Variants in STARD9 observed in about 807,000 individuals in gnomAD.
STARD9 encodes StAR related lipid transfer domain containing 9, also known as stAR-related lipid transfer protein 9.
Under a neutral mutation model 399.8 loss-of-function variants are expected in STARD9, and 346 were observed. The ratio of observed to expected loss-of-function variants is 0.87; its 90% CI spans 0.79 to 0.95. The LOEUF is 0.95. STARD9 is among the 40% of genes least tolerant of loss of function. The pLI, the probability that STARD9 is intolerant of heterozygous loss-of-function variation, is 0.00. For synonymous variants in STARD9, 2,203 were observed against 2,143.5 expected, an observed-to-expected ratio of 1.03 and a Z score of -0.77; for missense variants, 5,832 against 5,667.5, an observed-to-expected ratio of 1.03 and a Z score of -0.93.
At chr15:42,626,396 C>CTCT in intron 3 of STARD9, among the ~76,000 whole-genome samples, 1 of 118,678 alleles carries the variant, frequency 8.4e-6, no homozygotes, top group African/African-American at 4.3e-5. Context: ...CTTCCTCTTC[C>CTCT]TCCTCCTCTT....
chr15:42,681,622 C>T lies in STARD9; in HGVS notation c.2065+10C>T. 1 of 1,532,252 alleles carries T rather than the reference C, an allele frequency of 6.5e-7. No individual in the cohort carries two copies. Among genetic ancestry groups the T allele is most frequent in the Non-Finnish European group, 8.7e-7 (1 of 1,143,742 alleles). 94.9% of individuals were successfully genotyped at this position (1,532,252 alleles called of 1,614,324 possible). Reference sequence around the variant, plus strand: ...CAGCAGATTAAAGAAAGTAGGTGTCCACCACTTAATGTGTCTGCCTCACCT... The same window carrying T: ...CAGCAGATTAAAGAAAGTAGGTGTCTACCACTTAATGTGTCTGCCTCACCT... On this transcript the variant is annotated intron_variant, in intron 21 of 32. Coordinates refer to ENST00000290607, the MANE Select transcript of STARD9 (RefSeq NM_020759.3).
At chr15:42,706,974 A>G (rs759071683) in intron 26 of STARD9, among the ~76,000 whole-genome samples, 14 of 152,154 alleles carry the variant, frequency 9.2e-5, no homozygotes, top group East Asian at 1.9e-4. Context: ...CTGATATACT[A>G]TTCTTTTAAT....
At chr15:42,580,713 G>C (rs2058150011) in intron 1 of STARD9, among the ~76,000 whole-genome samples, 1 of 152,182 alleles carries the variant, frequency 6.6e-6, no homozygotes, top group Non-Finnish European at 1.5e-5. Flanking sequence ...TCAGGAGGCT[G>C]AGGCAGGAGA....
chr15:42,650,901 C>T, intron 7 of STARD9, 115 bp from the exon 8 acceptor site: 2 of 648,444 alleles, frequency 3.1e-6, no homozygotes, highest in Non-Finnish European at 4.9e-6. Context: ...GCCAGATTCC[C>T]TCATTTTTGT....
Position 42,686,663 on chromosome 15 carries a change from G to A in STARD9, c.5085G>A (p.Glu1695=). The part of the protein sequence containing the change: ...QLSPDSHYPL[E]EEKTDCQESS... The stretch of plus-strand genomic sequence containing the variant: ...GTCCCGACAGCCACTACCCACTAGA[G>A]GAAGAGAAGACAGATTGCCAGGAGA... Residue 1695 remains glutamate, a synonymous_variant, in exon 23 of 33, where the codon GAG becomes GAA. Coordinates refer to ENST00000290607, the MANE Select transcript of STARD9 (RefSeq NM_020759.3). 2.0e-6 allele frequency: 3 copies of A among 1,537,668 alleles called. No individual in the cohort carries two copies. The highest frequency in any genetic ancestry group is 1.4e-5 in the African/African-American group (1 of 73,172).
intron 4 of STARD9, 44 bp from the exon 5 acceptor site, chr15:42,637,863 C>G: frequency 1.3e-6 from 2 of 1,530,338 alleles, no homozygotes; most frequent in Non-Finnish European, 1.8e-6. Flanking sequence ...GGGAGAGCAT[C>G]ATCTTAAGTA....
In STARD9 at chr15:42,598,577, A is replaced by G. The variant is rs193161384; in HGVS notation, c.234+12940A>G. The stretch of plus-strand genomic sequence containing the variant: ...CCCAGATAACTATCCAGTTGTCTGA[A>G]TACTATTAGTTCATCTATTTTTTAT... On this transcript the variant is annotated intron_variant, in intron 3 of 32. Transcript: ENST00000290607. 1.2e-4 allele frequency among the ~76,000 whole-genome samples: 18 copies of G among 152,176 alleles called. No homozygotes were observed. In the East Asian group the frequency reaches 3.5e-3, roughly 29 times the overall value.
Position 42,695,335 on chromosome 15 carries a change from G to A in STARD9, c.13146+12G>A. 1.3e-6 allele frequency: 2 copies of A among 1,520,734 alleles called. No individual in the cohort carries two copies. The highest frequency in any genetic ancestry group is 1.8e-6 in the Non-Finnish European group (2 of 1,136,268). The allele number at this position is 1,520,734 out of a possible 1,614,324, so 94.2% of individuals were successfully genotyped here. A position where few individuals can be genotyped will look rare whatever the true frequency, so the allele number is the denominator to read the frequency against. ...CCCAGCTATTGAAGGTGTGGAGTGG[G>A]GCATGCCTCTGATTTCAGGATAGGC... On this transcript the variant is annotated intron_variant, in intron 25 of 32. Coordinates refer to ENST00000290607, the MANE Select transcript of STARD9 (RefSeq NM_020759.3).
At chr15:42,640,035 C>G (rs2059502645) in intron 7 of STARD9, among the ~76,000 whole-genome samples, 1 of 152,138 alleles carries the variant, frequency 6.6e-6, no homozygotes, top group South Asian at 2.1e-4. Flanking sequence ...GATCCTTCCG[C>G]CCCAGTCTCC....
chr15:42,665,477 A>G (rs2060080945), intron 14 of STARD9, 147 bp downstream of exon 14: 9 of 684,410 alleles, frequency 1.3e-5, no homozygotes, highest in Non-Finnish European at 2.2e-5. Flanking sequence ...CAAAACAGAG[A>G]TTTCTCTGAT....
At chr15:42,626,674 ATT>A (rs796664585) in intron 3 of STARD9, among the ~76,000 whole-genome samples, 20 of 118,220 alleles carry the variant, frequency 1.7e-4, no homozygotes, top group Admixed American at 2.5e-4. Context: ...CTAATTTTGT[ATT>A]TTTTTTTTTT....
chr15:42,624,935 C>G (rs1230473326), intron 3 of STARD9, among the ~76,000 whole-genome samples: 2 of 152,150 alleles, frequency 1.3e-5, no homozygotes, highest in African/African-American at 4.8e-5. Flanking sequence ...ATAAAGTTTT[C>G]TAATATAATT....
intron 3 of STARD9, among the ~76,000 whole-genome samples, chr15:42,609,134 G>C (rs999799008): frequency 1.3e-5 from 2 of 152,136 alleles, no homozygotes; most frequent in Non-Finnish European, 2.9e-5. Flanking sequence ...TGAGGATAGT[G>C]GGGGGCGGGA....
At chr15:42,626,704 G>T (rs1306212985) in intron 3 of STARD9, among the ~76,000 whole-genome samples, 3 of 150,496 alleles carry the variant, frequency 2.0e-5, no homozygotes, top group Non-Finnish European at 4.4e-5. Context: ...TAGAGACGGG[G>T]TTTCACCGTG....
chr15:42,692,994 C>T lies in STARD9; in HGVS notation c.11416C>T (p.Pro3806Ser). 10 of 1,537,210 alleles carry T rather than the reference C, an allele frequency of 6.5e-6. No individual in the cohort carries two copies. Among genetic ancestry groups the T allele is most frequent in the Non-Finnish European group, 8.7e-6 (10 of 1,146,912 alleles). ...QLLYLQEEST[P>S]YKPQSPSIPS... is the part of the protein sequence containing the mutation. Reference sequence around the variant, plus strand: ...CCTCTATCTTCAGGAAGAAAGCACTCCCTACAAGCCCCAGAGCCCTTCAAT... The same window carrying T: ...CCTCTATCTTCAGGAAGAAAGCACTTCCTACAAGCCCCAGAGCCCTTCAAT... The change falls in exon 23 of 33, where the codon CCC becomes TCC. Residue 3806 changes from proline (P) to serine (S), a missense_variant. Pro to Ser is a moderately conservative substitution (Grantham distance 74, BLOSUM62 -1). Around this residue, in one of 2 missense-constraint regions of STARD9, gnomAD observed 5,828 missense variants for 5,651.1 expected, o/e 1.03. Coordinates refer to ENST00000290607, the MANE Select transcript of STARD9 (RefSeq NM_020759.3).
At chr15:42,623,779 G>C (rs1002310313) in intron 3 of STARD9, among the ~76,000 whole-genome samples, 1 of 152,214 alleles carries the variant, frequency 6.6e-6, no homozygotes, top group Non-Finnish European at 1.5e-5. Context: ...GGACGAACAT[G>C]GGAAATAAAT....
intron 3 of STARD9, among the ~76,000 whole-genome samples, chr15:42,625,991 G>T (rs1039138288): frequency 1.3e-5 from 2 of 151,918 alleles, no homozygotes; most frequent in Admixed American, 6.6e-5. Context: ...GTGCGATATC[G>T]GCTCACTGCA....
intron 17 of STARD9, 89 bp downstream of exon 17, chr15:42,674,580 A>G (rs2060271190): frequency 3.0e-6 from 4 of 1,327,406 alleles, no homozygotes; most frequent in Middle Eastern, 1.8e-4. Flanking sequence ...TGCTCTGAGA[A>G]GAAGGGAATC....
intron 3 of STARD9, among the ~76,000 whole-genome samples, chr15:42,622,443 T>C (rs1329948689): frequency 6.6e-6 from 1 of 152,078 alleles, no homozygotes; most frequent in Non-Finnish European, 1.5e-5. Context: ...TCATAGCTGA[T>C]TGCAACCTTG....
Sources: gnomAD v4.1 joint callset for allele counts (sites outside exome capture counted in the v4.1 genomes callset) on GRCh38, gnomAD v4.1.1 for gene constraint, gnomAD v4.1.1 regional missense constraint, MANE v1.5 for transcripts, NCBI Gene and HGNC (gene_info 2026-07-23, HGNC 2026-07-21) for gene names.